Variants in MICAL3 observed in about 807,000 individuals in gnomAD.
MICAL3 encodes the protein microtubule associated monooxygenase, calponin and LIM domain containing 3, also known as [F-actin]-monooxygenase MICAL3.
Under a neutral mutation model 207.4 loss-of-function variants are expected in MICAL3, and 62 were observed. That is an observed-to-expected ratio of 0.30 (90% confidence interval 0.24 to 0.37). MICAL3 has a LOEUF of 0.37. Ranked by LOEUF, MICAL3 falls within the 10% of genes least tolerant of loss-of-function variation. The pLI is 1.00. For missense variants in MICAL3, 2,368 were observed against 2,635.6 expected, an observed-to-expected ratio of 0.90 and a Z score of 2.22; for synonymous variants, 1,077 against 1,069.3, an observed-to-expected ratio of 1.01 and a Z score of -0.14.
chr22:17,955,514 T>G (rs377072784), intron 1 of MICAL3, among the ~76,000 whole-genome samples: 5 of 152,198 alleles, frequency 3.3e-5, no homozygotes, highest in Non-Finnish European at 1.5e-5. Context: ...GAGGAAGCTG[T>G]GTGTGGCAGG....
At chr22:17,884,611 T>C (rs1167143145) in intron 16 of MICAL3, among the ~76,000 whole-genome samples, 1 of 152,200 alleles carries the variant, frequency 6.6e-6, no homozygotes, top group African/African-American at 2.4e-5. Context: ...TCATCTCTTT[T>C]CCAAGCTAAA....
chr22:17,968,187 G>A (rs1312225558), intron 1 of MICAL3, among the ~76,000 whole-genome samples: 1 of 152,236 alleles, frequency 6.6e-6, no homozygotes, highest in Non-Finnish European at 1.5e-5. Flanking sequence ...CCAGCAGAGT[G>A]AAGAGGAAAG....
chr22:17,904,506 G>A, intron 3 of MICAL3, 126 bp downstream of exon 3: 1 of 752,000 alleles, frequency 1.3e-6, no homozygotes, highest in South Asian at 1.6e-5. Context: ...CTATAAGAAA[G>A]ACAGTAATGA....
intron 25 of MICAL3, 113 bp from the exon 26 acceptor site, chr22:17,819,242 T>TC: frequency 9.3e-7 from 1 of 1,072,290 alleles, no homozygotes; most frequent in Non-Finnish European, 1.2e-6. Context: ...CTGCAGGACT[T>TC]CCCCGTCCTT....
intron 1 of MICAL3, among the ~76,000 whole-genome samples, chr22:17,998,621 T>C (rs1405747986): frequency 6.6e-6 from 1 of 151,484 alleles, no homozygotes; most frequent in Non-Finnish European, 1.5e-5. Context: ...AGTGGCGTGA[T>C]CTTGGCTCAC....
chr22:17,902,741 C>G lies in MICAL3; in HGVS notation c.479G>C (p.Arg160Pro). ...TTTCAAAAGTATTAGTTGGAGCTGA[C>G]GGATACCTGGGAGAATACAGAGATG... ...CAGAIDHISI[R>P]QLQLILLKVA... Residue 160 changes from arginine (R) to proline (P), a missense_variant, in exon 4 of 32, where the codon CGT becomes CCT. Around this residue, in one of 4 missense-constraint regions of MICAL3, gnomAD observed 400 missense variants for 547.0 expected, o/e 0.73. Coordinates refer to ENST00000441493, the MANE Select transcript of MICAL3 (RefSeq NM_015241.3). This position sits in a 1 kb window ranked among gnomAD's most constrained non-coding sequence, Gnocchi z 4.5. 1 of 1,581,506 alleles carries G rather than the reference C, an allele frequency of 6.3e-7. No homozygotes were observed. The highest frequency in any genetic ancestry group is 8.6e-7 in the Non-Finnish European group (1 of 1,157,980).
chr22:18,017,602 T>A (rs1924144984), intron 1 of MICAL3, among the ~76,000 whole-genome samples: 1 of 151,828 alleles, frequency 6.6e-6, no homozygotes, highest in Non-Finnish European at 1.5e-5. Context: ...TTTTTTTTTC[T>A]TGAGACAGAG....
chr22:17,877,329 GTTA>G (rs1928789144), intron 16 of MICAL3, among the ~76,000 whole-genome samples: 4 of 119,196 alleles, frequency 3.4e-5, no homozygotes, highest in East Asian at 2.5e-4. Context: ...GGTTAGGGAG[GTTA>G]TGGAGGTTAG....
chr22:17,894,395 CAAAA>C (rs57537906), intron 10 of MICAL3, among the ~76,000 whole-genome samples: 1 of 86,222 alleles, frequency 1.2e-5, no homozygotes, highest in Admixed American at 1.3e-4. Context: ...GACTCTGTCT[CAAAA>C]AAAAAAAAAA....
chr22:17,873,969 G>A lies in MICAL3; in HGVS notation c.2242-1946C>T, dbSNP rs571467197. On this transcript the variant is annotated intron_variant, in intron 16 of 31. Coordinates refer to ENST00000441493, the MANE Select transcript of MICAL3 (RefSeq NM_015241.3). Reference sequence around the variant, plus strand: ...ATTCTGACTCAGCAACTCACCATGAGCCATTATCCCGGGGATGCCAACAGC... The same window carrying A: ...ATTCTGACTCAGCAACTCACCATGAACCATTATCCCGGGGATGCCAACAGC... Among the ~76,000 whole-genome samples, 12 of 152,308 alleles carry A rather than the reference G, an allele frequency of 7.9e-5. No individual in the cohort carries two copies. In the East Asian group the frequency reaches 1.5e-3, roughly 20 times the overall value.
chr22:18,010,618 T>G (rs1385762749), intron 1 of MICAL3, among the ~76,000 whole-genome samples: 1 of 152,074 alleles, frequency 6.6e-6, no homozygotes, highest in African/African-American at 2.4e-5. Context: ...TTCTAAGAAG[T>G]GAGCTTCCCC....
At chr22:17,888,540 C>G (rs947620013) in intron 13 of MICAL3, among the ~76,000 whole-genome samples, 1 of 152,136 alleles carries the variant, frequency 6.6e-6, no homozygotes, top group Non-Finnish European at 1.5e-5. Context: ...AAAGGGACAT[C>G]GTTCTCCGGT....
At chr22:17,955,719 A>G (rs384215) in intron 1 of MICAL3, among the ~76,000 whole-genome samples, 45,059 of 152,110 alleles carry the variant, frequency 0.3, 6,911 homozygotes, top group East Asian at 0.52. Context: ...TTCTTCTACC[A>G]GCTGCATTTG....
chr22:18,016,047 G>T (rs569307165), intron 1 of MICAL3, among the ~76,000 whole-genome samples: 2 of 152,120 alleles, frequency 1.3e-5, no homozygotes, highest in South Asian at 4.2e-4. Flanking sequence ...GTAATTATAT[G>T]GCTTTTCCTA....
intron 19 of MICAL3, among the ~76,000 whole-genome samples, chr22:17,855,248 T>G (rs1306401107): frequency 6.6e-6 from 1 of 152,206 alleles, no homozygotes; most frequent in African/African-American, 2.4e-5. Flanking sequence ...ATGTCCATAT[T>G]CAGCACAAAA....
At chr22:17,938,432 C>A (rs1933650431) in intron 1 of MICAL3, among the ~76,000 whole-genome samples, 1 of 152,180 alleles carries the variant, frequency 6.6e-6, no homozygotes. Context: ...CACAGCTCCA[C>A]AGGTAATACA....
At chr22:17,988,917 C>T (rs901253794) in intron 1 of MICAL3, among the ~76,000 whole-genome samples, 4 of 152,222 alleles carry the variant, frequency 2.6e-5, no homozygotes, top group African/African-American at 9.6e-5. Flanking sequence ...GCTGCCTTCA[C>T]ACAACAGCAG....
At chr22:18,013,831 T>C (rs1237915307) in intron 1 of MICAL3, among the ~76,000 whole-genome samples, 1 of 152,104 alleles carries the variant, frequency 6.6e-6, no homozygotes, top group Non-Finnish European at 1.5e-5. Context: ...AACAAGGTCT[T>C]GCTATGTTGC....
At chr22:17,978,947 G>A (rs967762559) in intron 1 of MICAL3, among the ~76,000 whole-genome samples, 2 of 151,572 alleles carry the variant, frequency 1.3e-5, no homozygotes, top group Admixed American at 1.3e-4. Flanking sequence ...AGGCCAAGGC[G>A]GGAGGACTGC....
Sources: allele counts gnomAD v4.1 joint callset (sites outside exome capture counted in the v4.1 genomes callset), GRCh38; gene constraint gnomAD v4.1.1; regional missense constraint gnomAD v4.1.1; non-coding constraint Gnocchi (gnomAD v3.1); transcripts MANE v1.5; gene names NCBI Gene and HGNC (gene_info 2026-07-23, HGNC 2026-07-21).